Variants in FSD1L observed in about 807,000 individuals in gnomAD.
The protein encoded by FSD1L is fibronectin type III and SPRY domain containing 1 like.
Under a neutral mutation model 71.6 loss-of-function variants are expected in FSD1L, and 45 were observed. That is an observed-to-expected ratio of 0.63 (90% CI 0.49 to 0.81). FSD1L has a LOEUF of 0.81. Ranked by LOEUF, FSD1L falls within the 30% of genes least tolerant of loss-of-function variation. The pLI is 0.00. For missense variants in FSD1L, 561 were observed against 618.1 expected, an observed-to-expected ratio of 0.91 and a Z score of 0.98; for synonymous variants, 197 against 207.2, an observed-to-expected ratio of 0.95 and a Z score of 0.42.
intron 10 of FSD1L, chr9:105,520,137 A>C (rs996327313): frequency 6.2e-7 from 1 of 1,603,124 alleles, no homozygotes. Context: ...GATGTTCTCC[A>C]AGAAGCCGCA....
intron 1 of FSD1L, among the ~76,000 whole-genome samples, chr9:105,459,852 T>C (rs75374356): frequency 0.042 from 6,329 of 152,338 alleles, 452 homozygotes; most frequent in African/African-American, 0.14. Context: ...GAAGCCCTCC[T>C]CATCTAAAGA....
chr9:105,524,422 C>G lies in FSD1L; in HGVS notation c.1026-10071C>G. 3 of 1,613,560 alleles carry G rather than the reference C, an allele frequency of 1.9e-6. No individual in the cohort carries two copies. In the South Asian group the frequency reaches 3.3e-5, roughly 18 times the overall value. On this transcript the variant is annotated intron_variant, in intron 10 of 13. Coordinates refer to ENST00000481272, the MANE Select transcript of FSD1L (RefSeq NM_001145313.3). The stretch of plus-strand genomic sequence containing the variant: ...GAAATGGACAAGAGGTTGGTAGTAT[C>G]TTTACTTCTCTGCCTTCTGGACTGG...
In FSD1L at chr9:105,481,816, A is replaced by C. The variant is rs902305538; in HGVS notation, c.464+2440A>C. ...GGGTCAGGGTCTTGCTCCATCACCCAGGCTGGAGTGCAGTGGCACAATCAC... is the reference window on the plus strand; with the variant it reads ...GGGTCAGGGTCTTGCTCCATCACCCCGGCTGGAGTGCAGTGGCACAATCAC... On this transcript the variant is annotated intron_variant, in intron 6 of 13. Coordinates refer to ENST00000481272, the MANE Select transcript of FSD1L (RefSeq NM_001145313.3). Among the ~76,000 whole-genome samples, 9 of 151,670 alleles carry C rather than the reference A, an allele frequency of 5.9e-5. No homozygotes were observed. The East Asian group carries it at 1.7e-3, about 29-fold the overall frequency.
chr9:105,461,667 A>C (rs960223958), intron 2 of FSD1L, 52 bp downstream of exon 2: 2 of 1,095,362 alleles, frequency 1.8e-6, no homozygotes, highest in African/African-American at 3.1e-5. Context: ...CTGATTCAAA[A>C]TTAGAGCATT....
At chr9:105,482,699 T>G (rs16924676) in intron 6 of FSD1L, among the ~76,000 whole-genome samples, 19,055 of 152,186 alleles carry the variant, frequency 0.13, 1,532 homozygotes, top group Admixed American at 0.23. Context: ...AACTTAAGTT[T>G]TCATTGACTA....
chr9:105,533,766 A>G (rs1836078824), intron 10 of FSD1L, among the ~76,000 whole-genome samples: 3 of 148,838 alleles, frequency 2.0e-5, no homozygotes, highest in African/African-American at 7.5e-5. Flanking sequence ...CTTGTTGCCT[A>G]GGCTGGAGTG....
intron 10 of FSD1L, chr9:105,521,463 A>G (rs1259551876): frequency 3.1e-6 from 5 of 1,613,626 alleles, no homozygotes; most frequent in East Asian, 4.5e-5. Flanking sequence ...TTTTTCTTCT[A>G]AAAGGAGTAA....
intron 4 of FSD1L, among the ~76,000 whole-genome samples, chr9:105,469,542 G>A (rs572667957): frequency 7.9e-5 from 12 of 151,932 alleles, no homozygotes; most frequent in African/African-American, 2.9e-4. Context: ...ATCTCTTCAC[G>A]TGTTTGTTGG....
chr9:105,481,141 CTG>C (rs376069658), intron 6 of FSD1L, among the ~76,000 whole-genome samples: 18,575 of 81,202 alleles, frequency 0.23, 2,272 homozygotes, highest in Non-Finnish European at 0.29. Flanking sequence ...CAGGCAAACT[CTG>C]TGTGTGTGTG....
chr9:105,518,850 T>TA lies in FSD1L; in HGVS notation c.1025+5921dup, dbSNP rs569294955. ...AGGAGATAGAGACACTAAAAACCTT[T>TA]AAAAAAATCAGTGAATCCAGGAGCT... On this transcript the variant is annotated intron_variant, in intron 10 of 13. Coordinates refer to ENST00000481272, the MANE Select transcript of FSD1L (RefSeq NM_001145313.3). Among the ~76,000 whole-genome samples the TA allele has an allele frequency of 2.9e-3, 443 of 152,146 alleles. 5 individuals carry two copies. The highest frequency in any genetic ancestry group is 4.3e-3 in the Admixed American group (65 of 15,282).
At chr9:105,513,188 A>G (rs1834496881) in intron 10 of FSD1L, among the ~76,000 whole-genome samples, 1 of 152,126 alleles carries the variant, frequency 6.6e-6, no homozygotes, top group South Asian at 2.1e-4. Context: ...CTTTAAAGTT[A>G]TATATACAGC....
At position 105,508,818 on chromosome 9, in the gene FSD1L, T is replaced by A. The variant is rs968953195; in HGVS notation, c.895+103T>A. 7.8e-6 allele frequency: 5 copies of A among 644,344 alleles called. 1 individual carries two copies. In the South Asian group the frequency reaches 1.0e-4, roughly 13 times the overall value. 39.9% of individuals were successfully genotyped at this position (644,344 alleles called of 1,614,324 possible). On this transcript the variant is annotated intron_variant, in intron 9 of 13. Transcript: ENST00000481272. Reference sequence around the variant, plus strand: ...ACTTCATGTGATGTTGAATTACTTCTCTACTTCTCCTAGCCTAGCTTTCTC... The same window carrying A: ...ACTTCATGTGATGTTGAATTACTTCACTACTTCTCCTAGCCTAGCTTTCTC...
intron 10 of FSD1L, among the ~76,000 whole-genome samples, chr9:105,514,060 TA>T (rs1277379009): frequency 2.0e-5 from 3 of 152,180 alleles, no homozygotes; most frequent in African/African-American, 7.2e-5. Context: ...GCAACAAGGA[TA>T]AAAAATAAAG....
At chr9:105,447,020 A>G (rs74748710), upstream of FSD1L, among the ~76,000 whole-genome samples, 2,509 of 152,108 alleles carry the variant, frequency 0.016, 61 homozygotes, top group African/African-American at 0.058. Context: ...ACTCCCCACT[A>G]AGAATGACTA....
At chr9:105,462,297 C>A (rs1461242711) in intron 2 of FSD1L, among the ~76,000 whole-genome samples, 3 of 149,214 alleles carry the variant, frequency 2.0e-5, no homozygotes, top group Non-Finnish European at 4.5e-5. Flanking sequence ...CTCACTGCAA[C>A]CTCCACCTCC....
intron 7 of FSD1L, among the ~76,000 whole-genome samples, chr9:105,496,532 A>C (rs1242889393): frequency 3.3e-5 from 5 of 152,186 alleles, no homozygotes; most frequent in African/African-American, 7.2e-5. Flanking sequence ...TAAACATTGG[A>C]ATGTCTCTAC....
intron 7 of FSD1L, among the ~76,000 whole-genome samples, chr9:105,499,301 C>A (rs1178422202): frequency 6.6e-6 from 1 of 151,984 alleles, no homozygotes. Flanking sequence ...AAATAGTTGC[C>A]CTTATTGTTT....
At chr9:105,465,742 G>A (rs1831019992) in intron 3 of FSD1L, among the ~76,000 whole-genome samples, 1 of 152,190 alleles carries the variant, frequency 6.6e-6, no homozygotes, top group African/African-American at 2.4e-5. Flanking sequence ...ATTAGGTGTA[G>A]AAGGAATGTA....
At chr9:105,475,905 T>C (rs1170040489) in intron 5 of FSD1L, among the ~76,000 whole-genome samples, 1 of 152,162 alleles carries the variant, frequency 6.6e-6, no homozygotes, top group Non-Finnish European at 1.5e-5. Context: ...AATCAACTGG[T>C]GTGCAATCTT....
Sources: gnomAD v4.1 joint callset for allele counts (sites outside exome capture counted in the v4.1 genomes callset) on GRCh38, gnomAD v4.1.1 for gene constraint, MANE v1.5 for transcripts, NCBI Gene and HGNC (gene_info 2026-07-23, HGNC 2026-07-21) for gene names.